Variants in WDFY3 observed in about 807,000 individuals in gnomAD.
The protein encoded by WDFY3 is WD repeat and FYVE domain containing 3, also known as WD repeat and FYVE domain-containing protein 3.
Under a neutral mutation model 409.6 loss-of-function variants are expected in WDFY3, and 66 were observed. The observed-to-expected ratio is 0.16, with a 90% CI of 0.13 to 0.20. WDFY3 has a LOEUF of 0.20. Ranked by LOEUF, WDFY3 falls within the 10% of genes least tolerant of loss-of-function variation. The probability of loss-of-function intolerance (pLI) is 1.00; values close to 1 mark genes in which losing one functional copy is unlikely to be tolerated. For missense variants in WDFY3, 3,031 were observed against 4,298.1 expected, an observed-to-expected ratio of 0.71 and a Z score of 8.24; for synonymous variants, 1,521 against 1,537.1, an observed-to-expected ratio of 0.99 and a Z score of 0.25.
intron 2 of WDFY3, among the ~76,000 whole-genome samples, chr4:84,907,995 T>G (rs1767273443): frequency 6.6e-6 from 1 of 151,946 alleles, no homozygotes; most frequent in South Asian, 2.1e-4. Flanking sequence ...CATATCTACA[T>G]GTAAGGTGCA....
At chr4:84,856,213 T>C (rs775025474) in intron 4 of WDFY3, among the ~76,000 whole-genome samples, 7 of 152,132 alleles carry the variant, frequency 4.6e-5, no homozygotes, top group Non-Finnish European at 8.8e-5. Context: ...TTGTAAGGGA[T>C]TAAAAAAGGA....
At chr4:84,881,882 A>C (rs929657351) in intron 3 of WDFY3, among the ~76,000 whole-genome samples, 1 of 143,386 alleles carries the variant, frequency 7.0e-6, no homozygotes, top group African/African-American at 2.5e-5. Flanking sequence ...CCCTGTCTCC[A>C]AAAAAAAAAA....
chr4:84,735,104 A>G lies in WDFY3; in HGVS notation c.6932T>C (p.Met2311Thr). The change falls in exon 43 of 68, where the codon ATG becomes ACG. Residue 2311 changes from methionine (M) to threonine (T), a missense_variant. By Grantham distance (81) the Met-to-Thr change is moderately conservative (BLOSUM62 -1). Coordinates refer to ENST00000295888, the MANE Select transcript of WDFY3 (RefSeq NM_014991.6). Reference protein sequence around the residue: ...SLSTQEISQWMFTHIAVVRDL... With the variant: ...SLSTQEISQWTFTHIAVVRDL... ...ACGAACAACAGCAATGTGAGTAAAC[A>G]TCCACTGCGAAATCTCCTAACAATG... is the stretch of plus-strand genomic sequence containing the variant. The G allele has an allele frequency of 1.2e-6, 2 of 1,613,108 alleles. No individual in the cohort carries two copies. The highest frequency in any genetic ancestry group is 1.7e-6 in the Non-Finnish European group (2 of 1,179,868).
rs1409475471 is a variant in WDFY3, at chr4:84,691,916, C to G, written c.9050-131G>C. 3.5e-5 allele frequency: 32 copies of G among 920,204 alleles called. No homozygotes were observed. The South Asian group carries it at 7.0e-4, about 20-fold the overall frequency. 57.0% of individuals were successfully genotyped at this position (920,204 alleles called of 1,614,324 possible). ...TACCTACGTTGAGAAAAAATGATCT[C>G]TGAAATAGAGCTGGGCTTTTGAATC... On this transcript the variant is annotated intron_variant, in intron 59 of 67. Coordinates refer to ENST00000295888, the MANE Select transcript of WDFY3 (RefSeq NM_014991.6).
At chr4:84,674,159 C>T (rs1401809045) in intron 67 of WDFY3, among the ~76,000 whole-genome samples, 3 of 152,158 alleles carry the variant, frequency 2.0e-5, no homozygotes, top group African/African-American at 7.2e-5. Flanking sequence ...TTCCATCCAA[C>T]ATTTAATAGC....
chr4:84,887,597 A>G (rs1764402381), intron 3 of WDFY3, among the ~76,000 whole-genome samples: 3 of 152,176 alleles, frequency 2.0e-5, no homozygotes, highest in Non-Finnish European at 4.4e-5. Flanking sequence ...AGCCAAGTAC[A>G]ATGCTAGGTA....
intron 1 of WDFY3, among the ~76,000 whole-genome samples, chr4:84,932,754 T>C (rs1388597850): frequency 2.6e-5 from 4 of 152,112 alleles, no homozygotes; most frequent in Non-Finnish European, 5.9e-5. Flanking sequence ...GGAGAAAAAA[T>C]TCATGCTATT....
At chr4:84,814,210 T>G (rs531824806) in intron 13 of WDFY3, among the ~76,000 whole-genome samples, 179 of 152,264 alleles carry the variant, frequency 1.2e-3, no homozygotes, top group African/African-American at 4.2e-3. Context: ...ATCCCCTATT[T>G]GATGAAGTCA....
chr4:84,759,457 G>C (rs527348984), intron 32 of WDFY3, among the ~76,000 whole-genome samples: 2 of 151,858 alleles, frequency 1.3e-5, no homozygotes, highest in South Asian at 4.2e-4. Flanking sequence ...TCTTCCATTT[G>C]TTTGTATCCT....
At chr4:84,844,034 T>C (rs971752131) in intron 5 of WDFY3, among the ~76,000 whole-genome samples, 1 of 152,136 alleles carries the variant, frequency 6.6e-6, no homozygotes, top group African/African-American at 2.4e-5. Flanking sequence ...TTTCAATACA[T>C]ATAGTTAGAA....
intron 22 of WDFY3, among the ~76,000 whole-genome samples, chr4:84,789,317 GA>G (rs778391640): frequency 4.2e-4 from 63 of 148,996 alleles, no homozygotes; most frequent in East Asian, 1.8e-3. Flanking sequence ...TGAAAACAAA[GA>G]AAAAAAAACA....
At chr4:84,911,727 A>G (rs1252572388) in intron 2 of WDFY3, among the ~76,000 whole-genome samples, 1 of 152,214 alleles carries the variant, frequency 6.6e-6, no homozygotes, top group Non-Finnish European at 1.5e-5. Flanking sequence ...GTAGGTCATG[A>G]ATGCATAAAA....
chr4:84,761,156 C>G (rs1425411644), intron 32 of WDFY3, among the ~76,000 whole-genome samples: 1 of 151,868 alleles, frequency 6.6e-6, no homozygotes, highest in Non-Finnish European at 1.5e-5. Context: ...TTTGATTGCA[C>G]TGTGGTCTGA....
chr4:84,873,489 C>A (rs1043077035), intron 3 of WDFY3, among the ~76,000 whole-genome samples: 1 of 152,040 alleles, frequency 6.6e-6, no homozygotes, highest in African/African-American at 2.4e-5. Context: ...AAAAGCTGTT[C>A]TTTGAGGAAA....
chr4:84,837,178 T>C, intron 6 of WDFY3, 88 bp from the exon 7 acceptor site: 2 of 1,175,970 alleles, frequency 1.7e-6, no homozygotes. Context: ...ACCCAAAAAT[T>C]ATATATAAAG....
chr4:84,795,203 A>T lies in WDFY3; in HGVS notation c.3168-224T>A, dbSNP rs189488646. 4.5e-3 allele frequency among the ~76,000 whole-genome samples: 674 copies of T among 150,864 alleles called. 4 individuals carry two copies. Among genetic ancestry groups the T allele is most frequent in the African/African-American group, 0.015 (626 of 40,614 alleles). On this transcript the variant is annotated intron_variant, in intron 19 of 67. Transcript: ENST00000295888. ...CAAAATAACATTTTTAACTTAAAATAAAAAAAAATGAAGATACAAAATGCA... is the reference window on the plus strand; with the variant it reads ...CAAAATAACATTTTTAACTTAAAATTAAAAAAAATGAAGATACAAAATGCA...
intron 5 of WDFY3, among the ~76,000 whole-genome samples, chr4:84,844,939 G>GGAGACTGT (rs1388063048): frequency 3.9e-5 from 6 of 152,176 alleles, no homozygotes; most frequent in Non-Finnish European, 5.9e-5. Flanking sequence ...AGGGAGACAA[G>GGAGACTGT]GAGACTGTGA....
At chr4:84,877,830 T>A (rs1416374831) in intron 3 of WDFY3, among the ~76,000 whole-genome samples, 3 of 152,222 alleles carry the variant, frequency 2.0e-5, no homozygotes, top group Admixed American at 6.5e-5. Flanking sequence ...GACAAAAAAA[T>A]GATTCATAAA....
intron 3 of WDFY3, among the ~76,000 whole-genome samples, chr4:84,868,836 T>C (rs1578897344): frequency 6.6e-6 from 1 of 152,220 alleles, no homozygotes. Flanking sequence ...GCAGTTAGGT[T>C]ACTTGGTATG....
Sources: gnomAD v4.1 joint callset for allele counts (sites outside exome capture counted in the v4.1 genomes callset) on GRCh38, gnomAD v4.1.1 for gene constraint, MANE v1.5 for transcripts, NCBI Gene and HGNC (gene_info 2026-07-23, HGNC 2026-07-21) for gene names.